The following UBE3D variants were observed in gnomAD, a reference collection of about 807,000 sequenced individuals.
UBE3D encodes E3 ubiquitin-protein ligase E3D.
UBE3D carries 48 observed loss-of-function variants against 49.6 expected under a neutral mutation model. The observed-to-expected ratio is 0.97, with a 90% CI of 0.77 to 1.23. The LOEUF is 1.23. Among genes scored for constraint, UBE3D ranks in the 50% most tolerant of loss-of-function variants. The pLI is 0.00. For synonymous variants in UBE3D, 189 were observed against 174.2 expected (o/e 1.08, Z -0.67); for missense variants, 452 against 468.4 (o/e 0.96, Z 0.32).
At chr6:82,918,151 A>C (rs1396073471) in intron 9 of UBE3D, among the ~76,000 whole-genome samples, 1 of 152,168 alleles carries the variant, frequency 6.6e-6, no homozygotes, top group Non-Finnish European at 1.5e-5. Flanking sequence ...TGCAGGGAGA[A>C]AATGGAATTA....
At chr6:83,020,847 C>T (rs1351604512) in intron 7 of UBE3D, among the ~76,000 whole-genome samples, 2 of 152,160 alleles carry the variant, frequency 1.3e-5, no homozygotes, top group African/African-American at 4.8e-5. Context: ...CTCATGAAGG[C>T]ATTTGTGTTC....
chr6:83,051,506 C>G (rs575337293), intron 3 of UBE3D, among the ~76,000 whole-genome samples: 1 of 152,142 alleles, frequency 6.6e-6, no homozygotes, highest in Non-Finnish European at 1.5e-5. Context: ...GTAAGCAGAA[C>G]CCGGAAATAC....
intron 5 of UBE3D, chr6:83,036,686 G>A (rs1413057612): frequency 6.6e-6 from 1 of 150,682 alleles, no homozygotes; most frequent in Non-Finnish European, 1.5e-5. Context: ...TAGGTACAAG[G>A]TTTGTTGACT....
At chr6:83,049,014 A>G (rs1437647585) in intron 3 of UBE3D, among the ~76,000 whole-genome samples, 1 of 152,194 alleles carries the variant, frequency 6.6e-6, no homozygotes, top group Admixed American at 6.5e-5. Flanking sequence ...ACAATAAATT[A>G]AAATTTCCTA....
intron 8 of UBE3D, among the ~76,000 whole-genome samples, chr6:82,978,701 A>T (rs1400616729): frequency 6.6e-6 from 1 of 152,220 alleles, no homozygotes; most frequent in Non-Finnish European, 1.5e-5. Context: ...CATGAAGTAC[A>T]CCAAATGAAA....
intron 5 of UBE3D, among the ~76,000 whole-genome samples, chr6:83,029,937 T>G (rs1479920613): frequency 6.6e-6 from 1 of 152,192 alleles, no homozygotes; most frequent in African/African-American, 2.4e-5. Flanking sequence ...CCAGTAAGGC[T>G]TCTTACGAAA....
the UBE3D span, among the ~76,000 whole-genome samples, chr6:82,882,005 C>T: frequency 3.3e-5 from 5 of 152,132 alleles, no homozygotes; most frequent in East Asian, 1.9e-4. Context: ...TCCTTCCTCC[C>T]GTCATTTGTC....
intron 3 of UBE3D, among the ~76,000 whole-genome samples, chr6:83,051,199 A>G (rs1209198364): frequency 6.6e-6 from 1 of 152,226 alleles, no homozygotes; most frequent in Non-Finnish European, 1.5e-5. Context: ...AGGCTGTATT[A>G]GAAGAACCTG....
chr6:82,985,535 T>C (rs569951579), intron 8 of UBE3D, among the ~76,000 whole-genome samples: 6 of 152,008 alleles, frequency 3.9e-5, no homozygotes, highest in Non-Finnish European at 7.4e-5. Flanking sequence ...GCTAATTTTA[T>C]GTAATTTTTG....
At chr6:83,032,321 T>A (rs768031386) in intron 5 of UBE3D, 1 of 454,140 alleles carries the variant, frequency 2.2e-6, no homozygotes, top group East Asian at 7.0e-5. Context: ...ATGTGAGACA[T>A]GAAGTCAAAA....
chr6:82,941,689 C>T (rs1443541017), intron 9 of UBE3D, among the ~76,000 whole-genome samples: 1 of 152,174 alleles, frequency 6.6e-6, no homozygotes, highest in Non-Finnish European at 1.5e-5. Flanking sequence ...GTAATCGGAT[C>T]ATGGGGGCAG....
At chr6:82,953,253 A>G (rs1484957034) in intron 9 of UBE3D, among the ~76,000 whole-genome samples, 2 of 152,200 alleles carry the variant, frequency 1.3e-5, no homozygotes, top group Non-Finnish European at 2.9e-5. Context: ...CATCATTCCC[A>G]TATTCCCTAC....
intron 8 of UBE3D, among the ~76,000 whole-genome samples, chr6:82,991,483 A>G (rs1189531996): frequency 1.3e-5 from 2 of 152,140 alleles, no homozygotes; most frequent in Non-Finnish European, 2.9e-5. Flanking sequence ...TTTTTATAAC[A>G]ATTTTGTGAA....
chr6:82,910,359 T>C (rs1237441205), intron 9 of UBE3D, among the ~76,000 whole-genome samples: 4 of 152,216 alleles, frequency 2.6e-5, no homozygotes, highest in Admixed American at 6.5e-5. Context: ...AAATTAATTA[T>C]ATAACTAGAA....
chr6:83,053,845 T>G (rs1167885976), intron 3 of UBE3D, among the ~76,000 whole-genome samples: 2 of 152,206 alleles, frequency 1.3e-5, no homozygotes, highest in Non-Finnish European at 2.9e-5. Flanking sequence ...TTGGATGAAA[T>G]GTGACAGGTC....
chr6:82,971,150 AG>A (rs1271727510), intron 8 of UBE3D, among the ~76,000 whole-genome samples: 3 of 152,190 alleles, frequency 2.0e-5, no homozygotes, highest in African/African-American at 7.2e-5. Context: ...TAATTAAAAC[AG>A]TTCCATTTTG....
chr6:82,957,903 G>A (rs1040952311), intron 8 of UBE3D, among the ~76,000 whole-genome samples: 16 of 152,084 alleles, frequency 1.1e-4, no homozygotes, highest in Non-Finnish European at 1.6e-4. Context: ...GGAACATTTA[G>A]CTCAGTGATT....
At position 82,992,891 on chromosome 6, in the gene UBE3D, A is replaced by T. The variant is rs569136640; in HGVS notation, c.1010+26082T>A. The stretch of plus-strand genomic sequence containing the variant: ...CCTCTGCCACCTGGGTATTTGTCAG[A>T]TAAGTGGCGATGGTTTACATAATAC... On this transcript the variant is annotated intron_variant, in intron 8 of 9. Coordinates refer to ENST00000369747, the MANE Select transcript of UBE3D (RefSeq NM_198920.3). Among the ~76,000 whole-genome samples the T allele has an allele frequency of 1.1e-4, 16 of 152,204 alleles. No individual in the cohort carries two copies. The South Asian group carries it at 2.5e-3, about 24-fold the overall frequency.
At chr6:82,960,505 T>A (rs1294810815) in intron 8 of UBE3D, among the ~76,000 whole-genome samples, 1 of 151,856 alleles carries the variant, frequency 6.6e-6, no homozygotes, top group Admixed American at 6.6e-5. Context: ...CACTTACATA[T>A]CATTTCTTAG....
Sources: gnomAD v4.1 joint callset for allele counts (sites outside exome capture counted in the v4.1 genomes callset) on GRCh38, gnomAD v4.1.1 for gene constraint, MANE v1.5 for transcripts, NCBI Gene and HGNC (gene_info 2026-07-23, HGNC 2026-07-21) for gene names.